FMR1NB: variants seen among roughly 807,000 people sequenced by gnomAD.
FMR1NB encodes the protein FMR1 neighbor protein.
In FMR1NB, 10 loss-of-function variants were observed where a neutral mutation model predicts 16.8. The observed-to-expected ratio is 0.60, with a 90% CI of 0.37 to 1.01. The LOEUF is 1.01. Ranked by LOEUF, FMR1NB falls within the 50% of genes least tolerant of loss-of-function variation. FMR1NB has a pLI of 0.01. For missense variants in FMR1NB, 205 were observed against 204.8 expected, an observed-to-expected ratio of 1.00 and a Z score of 0.00; for synonymous variants, 83 against 79.1, an observed-to-expected ratio of 1.05 and a Z score of -0.26.
At chrX:148,014,169 T>C (rs1345330436) in intron 4 of FMR1NB, among the ~76,000 whole-genome samples, 1 of 111,005 alleles carries the variant, frequency 9.0e-6, no homozygotes, top group Non-Finnish European at 1.9e-5. Context: ...AAGAGATTCT[T>C]ATAGGAGAGA....
At chrX:147,981,964 C>CA in intron 1 of FMR1NB, among the ~76,000 whole-genome samples, 1 of 111,653 alleles carries the variant, frequency 9.0e-6, no homozygotes, top group East Asian at 2.8e-4. Flanking sequence ...CTTCCCGCCA[C>CA]AAAATAGACT....
At chrX:148,000,998 A>G (rs1399373407) in intron 1 of FMR1NB, among the ~76,000 whole-genome samples, 5 of 112,154 alleles carry the variant, frequency 4.5e-5, no homozygotes, top group African/African-American at 1.6e-4. Context: ...ATGAGAACTA[A>G]CGAGAGTTAA....
Position 148,008,600 on chromosome X carries a change from A to ATT in FMR1NB, c.539-17_539-16insTT, listed in dbSNP as rs2044608483. The ATT allele has an allele frequency of 8.4e-7, 1 of 1,196,644 alleles. No individual in the cohort carries two copies. Among genetic ancestry groups the ATT allele is most frequent in the Non-Finnish European group, 1.1e-6 (1 of 885,577 alleles). The stretch of plus-strand genomic sequence containing the variant: ...TTGCTTAAGTCATGAAAGTAACAGG[A>ATT]TATAATTAAACCAACAGTGCCTAAA... On this transcript the variant is annotated splice_polypyrimidine_tract_variant and intron_variant, in intron 3 of 5. Coordinates refer to ENST00000370467, the MANE Select transcript of FMR1NB (RefSeq NM_152578.3).
intron 3 of FMR1NB, among the ~76,000 whole-genome samples, chrX:148,007,381 C>T (rs933039773): frequency 1.8e-5 from 2 of 111,815 alleles, no homozygotes; most frequent in Middle Eastern, 4.2e-3. Context: ...CCTCGACATC[C>T]GGGGCTCAAG....
chrX:147,987,637 G>T (rs1280962745), intron 1 of FMR1NB, among the ~76,000 whole-genome samples: 3 of 111,095 alleles, frequency 2.7e-5, no homozygotes, highest in Non-Finnish European at 3.8e-5. Context: ...ACAGTGGGTT[G>T]TTAAAGTCTC....
chrX:147,983,004 A>G (rs782448282), intron 1 of FMR1NB, among the ~76,000 whole-genome samples: 73 of 112,415 alleles, frequency 6.5e-4, no homozygotes, highest in Non-Finnish European at 1.0e-3. Context: ...CCATCACCCC[A>G]TGTAGTTCCA....
At chrX:147,990,054 AAC>A (rs1424358947) in intron 1 of FMR1NB, among the ~76,000 whole-genome samples, 10 of 105,381 alleles carry the variant, frequency 9.5e-5, no homozygotes, top group African/African-American at 2.6e-4. Flanking sequence ...AAAAAAAAAA[AAC>A]AAAAGCTCCT....
intron 1 of FMR1NB, among the ~76,000 whole-genome samples, chrX:147,982,613 G>C (rs1302056161): frequency 1.1e-5 from 1 of 92,016 alleles, no homozygotes. Flanking sequence ...AAAAAAAAAG[G>C]CCGGGCGCGG....
intron 1 of FMR1NB, among the ~76,000 whole-genome samples, chrX:147,990,149 A>G (rs1164012572): frequency 1.8e-5 from 2 of 111,342 alleles, no homozygotes; most frequent in Non-Finnish European, 3.8e-5. Flanking sequence ...ACATGAGGGA[A>G]TCTCCTGGTC....
chrX:148,003,337 T>C lies in FMR1NB; in HGVS notation c.397+17T>C. On this transcript the variant is annotated intron_variant, in intron 2 of 5. Coordinates refer to ENST00000370467, the MANE Select transcript of FMR1NB (RefSeq NM_152578.3). ...TTCCAACAAGTAAGTTCTTGTTTGA[T>C]TTTTTTCCCCCTCTAATGTTCTTGT... 8.3e-7 allele frequency: 1 copy of C among 1,200,345 alleles called. No homozygotes were observed. Among genetic ancestry groups the C allele is most frequent in the Non-Finnish European group, 1.1e-6 (1 of 887,579 alleles).
chrX:147,981,389 C>T lies in FMR1NB; in HGVS notation c.-14C>T, dbSNP rs781996475. 5 of 1,198,767 alleles carry T rather than the reference C, an allele frequency of 4.2e-6. No individual in the cohort carries two copies. The highest frequency in any genetic ancestry group is 1.8e-5 in the African/African-American group (1 of 56,546). On this transcript the variant is annotated 5_prime_UTR_variant, in exon 1 of 6. Coordinates refer to ENST00000370467, the MANE Select transcript of FMR1NB (RefSeq NM_152578.3). ...GCTGTGAGGCAGCGTCTCAGCGAGG[C>T]GGCACCCGGAGCCATGTCTTCACAT...
rs2044579538 is a variant in FMR1NB at position 148,003,202 on chromosome X, G to A, written c.279G>A (p.Gly93=). Residue 93 remains glycine (G), a splice_region_variant and synonymous_variant, in exon 2 of 6, where the codon GGG becomes GGA. Coordinates refer to ENST00000370467, the MANE Select transcript of FMR1NB (RefSeq NM_152578.3). ...TTAATAATTTTACTTCTTCTTAAGG[G>A]TCCTCATATTTTGTGCTTGCAAATG... ...CYYLSYYLCS[G]SSYFVLANGH... 5.8e-6 allele frequency: 7 copies of A among 1,205,150 alleles called. No individual in the cohort carries two copies. In the African/African-American group the frequency reaches 8.8e-5, roughly 15 times the overall value.
At chrX:148,010,501 C>G (rs1223050861) in intron 4 of FMR1NB, among the ~76,000 whole-genome samples, 1 of 111,890 alleles carries the variant, frequency 8.9e-6, no homozygotes, top group African/African-American at 3.3e-5. Flanking sequence ...CCATAGTCAG[C>G]TTTTGCAGGG....
At chrX:148,011,386 C>T (rs1557189609) in intron 4 of FMR1NB, among the ~76,000 whole-genome samples, 2 of 111,414 alleles carry the variant, frequency 1.8e-5, no homozygotes, top group Admixed American at 9.6e-5. Context: ...CAGTTTTTGG[C>T]GCCTAAGTCA....
intron 4 of FMR1NB, among the ~76,000 whole-genome samples, chrX:148,015,262 T>TA (rs1317776596): frequency 9.0e-6 from 1 of 111,676 alleles, no homozygotes; most frequent in Non-Finnish European, 1.9e-5. Context: ...TTATCTTTCT[T>TA]AAAAAAACAA....
At chrX:147,993,173 G>C (rs909588447) in intron 1 of FMR1NB, among the ~76,000 whole-genome samples, 1 of 113,038 alleles carries the variant, frequency 8.8e-6, no homozygotes, top group Admixed American at 9.2e-5. Flanking sequence ...CCGGCACCTC[G>C]GGAGGCCGAG....
chrX:147,995,118 C>T (rs1259613269), intron 1 of FMR1NB, among the ~76,000 whole-genome samples: 2 of 111,970 alleles, frequency 1.8e-5, no homozygotes, highest in African/African-American at 3.2e-5. Context: ...CAAGGAGAGG[C>T]GTTTCCTCAC....
intron 1 of FMR1NB, among the ~76,000 whole-genome samples, chrX:148,002,208 GAGTTA>G (rs1569546659): frequency 1.8e-5 from 2 of 111,677 alleles, no homozygotes; most frequent in Admixed American, 9.5e-5. Flanking sequence ...GGCAGATTAA[GAGTTA>G]AGTTCTCTAC....
At chrX:147,987,495 A>G (rs1410296107) in intron 1 of FMR1NB, among the ~76,000 whole-genome samples, 2 of 111,620 alleles carry the variant, frequency 1.8e-5, no homozygotes, top group Admixed American at 1.9e-4. Flanking sequence ...TGTGATGCTG[A>G]GAAGAATGTA....
Sources: allele counts gnomAD v4.1 joint callset (sites outside exome capture counted in the v4.1 genomes callset), GRCh38; gene constraint gnomAD v4.1.1; transcripts MANE v1.5; gene names NCBI Gene and HGNC (gene_info 2026-07-23, HGNC 2026-07-21).